WAPL: variants seen among roughly 807,000 people sequenced by gnomAD.
The protein encoded by WAPL is wings apart-like protein homolog.
In WAPL, 5 loss-of-function variants were observed where a neutral mutation model predicts 121.0. The ratio of observed to expected loss-of-function variants is 0.04; its 90% CI spans 0.02 to 0.09. WAPL has a LOEUF of 0.09. Ranked by LOEUF, WAPL falls within the 10% of genes least tolerant of loss-of-function variation. The pLI, the probability that WAPL is intolerant of heterozygous loss-of-function variation, is 1.00. For missense variants in WAPL, 999 were observed against 1,410.8 expected, an observed-to-expected ratio of 0.71 and a Z score of 4.68; for synonymous variants, 480 against 481.5, an observed-to-expected ratio of 1.00 and a Z score of 0.04.
chr10:86,497,074 C>A, intron 4 of WAPL, 127 bp downstream of exon 4: 1 of 742,796 alleles, frequency 1.3e-6, no homozygotes, highest in African/African-American at 1.8e-5. Flanking sequence ...TCTGAAAAAA[C>A]GACTTACACA....
At chr10:86,499,652 C>T (rs1263062358) in intron 3 of WAPL, 66 bp downstream of exon 3, 1 of 1,494,788 alleles carries the variant, frequency 6.7e-7, no homozygotes, top group African/African-American at 1.4e-5. Flanking sequence ...ATTGAAACCA[C>T]AGAAAGTGAA....
intron 16 of WAPL, 71 bp from the exon 17 acceptor site, chr10:86,443,434 G>T: frequency 7.3e-7 from 1 of 1,361,186 alleles, no homozygotes; most frequent in Non-Finnish European, 1.0e-6. Context: ...CAACCATTCT[G>T]TTAGTTATCT....
At chr10:86,501,607 G>A (rs185277576) in intron 2 of WAPL, among the ~76,000 whole-genome samples, 123 of 152,220 alleles carry the variant, frequency 8.1e-4, no homozygotes, top group African/African-American at 2.7e-3. Context: ...ATCTCAATTA[G>A]CATCATCAAA....
chr10:86,498,564 C>G (rs1206689422), intron 3 of WAPL, among the ~76,000 whole-genome samples: 4 of 152,122 alleles, frequency 2.6e-5, no homozygotes, highest in Non-Finnish European at 4.4e-5. Flanking sequence ...TTTCAAAATA[C>G]TACTGTAATT....
In WAPL at chr10:86,472,145, A is replaced by T. The variant is rs1457333855; in HGVS notation, c.2030+63T>A. ...AAAAATGTTTGGCTTTTTGGACAAC[A>T]CCTAGTTGAAAAAATTTAATACAGC... On this transcript the variant is annotated intron_variant, in intron 7 of 18. Transcript: ENST00000298767. This position sits in a 1 kb window ranked among gnomAD's most constrained non-coding sequence, Gnocchi z 4.2. 33 of 1,463,480 alleles carry T rather than the reference A, an allele frequency of 2.3e-5. No homozygotes were observed. The highest frequency in any genetic ancestry group is 2.1e-4 in the Middle Eastern group (1 of 4,658). The allele number at this position is 1,463,480 out of a possible 1,614,324, so 90.7% of individuals were successfully genotyped here.
At chr10:86,440,106 G>A (rs72846931) in intron 17 of WAPL, among the ~76,000 whole-genome samples, 1,594 of 152,198 alleles carry the variant, frequency 0.01, 15 homozygotes, top group Non-Finnish European at 0.016. Context: ...TTAGAGACAA[G>A]ATAGATACAG....
intron 2 of WAPL, among the ~76,000 whole-genome samples, chr10:86,517,188 G>C (rs1842570768): frequency 6.6e-6 from 1 of 152,110 alleles, no homozygotes; most frequent in Non-Finnish European, 1.5e-5. Context: ...TCTACCATTG[G>C]TAACTAATCC....
Position 86,467,376 on chromosome 10 carries a change from T to C in WAPL, c.2273A>G (p.Lys758Arg), listed in dbSNP as rs748953632. 4.3e-6 allele frequency: 7 copies of C among 1,614,138 alleles called. No individual in the cohort carries two copies. In the South Asian group the frequency reaches 7.7e-5, roughly 18 times the overall value. ...GTTCATGTCTTTTTCATTCAGTAGC[T>C]TGGCTGATGAAGCATCTTGTTCCAG... is the stretch of plus-strand genomic sequence containing the variant. The part of the protein sequence containing the change: ...LELEQDASSA[K>R]LLNEKDMNKI... Residue 758 changes from lysine (K) to arginine (R), a missense_variant, in exon 9 of 19, where the codon AAG becomes AGG. Coordinates refer to ENST00000298767, the MANE Select transcript of WAPL (RefSeq NM_015045.5).
At chr10:86,464,327 C>G (rs1456679132) in intron 9 of WAPL, among the ~76,000 whole-genome samples, 1 of 152,056 alleles carries the variant, frequency 6.6e-6, no homozygotes, top group African/African-American at 2.4e-5. Flanking sequence ...TATTTATCAT[C>G]CTAATAAATT....
chr10:86,469,270 T>TTTTA (rs1841478298), intron 8 of WAPL, among the ~76,000 whole-genome samples: 2 of 10,508 alleles, frequency 1.9e-4, no homozygotes, highest in African/African-American at 9.4e-4. Context: ...TTTTTTTTTT[T>TTTTA]GAGACGGAGT....
intron 4 of WAPL, among the ~76,000 whole-genome samples, chr10:86,487,745 A>T (rs59953272): frequency 0.085 from 12,892 of 152,116 alleles, 629 homozygotes; most frequent in Middle Eastern, 0.17. Flanking sequence ...CCAAAAAAAA[A>T]TTAGCCGGGC....
Position 86,435,844 on chromosome 10 carries a change from T to C in WAPL, c.*1699A>G, listed in dbSNP as rs1473478842. On this transcript the variant is annotated 3_prime_UTR_variant, in exon 19 of 19. Transcript: ENST00000298767. ...TTCCCTAAATCCAATGATTAATAAATATCAATGTATTTTGCATTTTAAAAT... is the reference window on the plus strand; with the variant it reads ...TTCCCTAAATCCAATGATTAATAAACATCAATGTATTTTGCATTTTAAAAT... 1 of 152,264 alleles carries C rather than the reference T, an allele frequency of 6.6e-6. No individual in the cohort carries two copies. The highest frequency in any genetic ancestry group is 1.5e-5 in the Non-Finnish European group (1 of 68,042). The allele number at this position is 152,264 out of a possible 1,614,324, so 9.4% of individuals were successfully genotyped here.
chr10:86,442,886 A>T lies in WAPL; in HGVS notation c.3411+389T>A, dbSNP rs186272012. Reference sequence around the variant, plus strand: ...ATCCCCGTCTCTACCAAAAAATACAAAAAAAAGTTAGCCGGGGGCGGTGGC... The same window carrying T: ...ATCCCCGTCTCTACCAAAAAATACATAAAAAAGTTAGCCGGGGGCGGTGGC... On this transcript the variant is annotated intron_variant, in intron 17 of 18. Transcript: ENST00000298767. Among the ~76,000 whole-genome samples, 6 of 152,088 alleles carry T rather than the reference A, an allele frequency of 3.9e-5. No individual in the cohort carries two copies. The East Asian group carries it at 1.2e-3, about 29-fold the overall frequency.
At chr10:86,510,068 C>CTTG in intron 2 of WAPL, among the ~76,000 whole-genome samples, 1 of 57,238 alleles carries the variant, frequency 1.7e-5, no homozygotes, top group East Asian at 6.9e-4. Context: ...TCCACCCGGC[C>CTTG]TTTTTTTTTT....
At position 86,436,478 on chromosome 10, in the gene WAPL, T is replaced by C. The variant is rs1274525033; in HGVS notation, c.*1065A>G. 1 of 152,586 alleles carries C rather than the reference T, an allele frequency of 6.6e-6. No homozygotes were observed. The highest frequency in any genetic ancestry group is 1.5e-5 in the Non-Finnish European group (1 of 68,022). The allele number at this position is 152,586 out of a possible 1,614,324, so 9.5% of individuals were successfully genotyped here. A position where few individuals can be genotyped will look rare whatever the true frequency, so the allele number is the denominator to read the frequency against. ...AATCTATAAAATGTTTTGTGTTCCA[T>C]AACTGTTTTTCAAATAACTGCTCTA... On this transcript the variant is annotated 3_prime_UTR_variant, in exon 19 of 19. Coordinates refer to ENST00000298767, the MANE Select transcript of WAPL (RefSeq NM_015045.5).
At position 86,460,483 on chromosome 10, in the gene WAPL, C is replaced by T; in HGVS notation, c.2496G>A (p.Val832=). The T allele has an allele frequency of 6.2e-7, 1 of 1,612,874 alleles. No homozygotes were observed. Among genetic ancestry groups the T allele is most frequent in the Non-Finnish European group, 8.5e-7 (1 of 1,179,628 alleles). The change falls in exon 11 of 19, where the codon GTG becomes GTA. Residue 832 remains valine, a synonymous_variant. Coordinates refer to ENST00000298767, the MANE Select transcript of WAPL (RefSeq NM_015045.5). ...DHIVDKVKEC[V]DHLSRDEDEE... Reference sequence around the variant, plus strand: ...CATCCTCATCTCTACTTAAATGATCCACACATTCTTTTACTAGGTGAAAAG... The same window carrying T: ...CATCCTCATCTCTACTTAAATGATCTACACATTCTTTTACTAGGTGAAAAG...
intron 4 of WAPL, among the ~76,000 whole-genome samples, chr10:86,489,150 T>G (rs1040023941): frequency 1.3e-5 from 2 of 152,128 alleles, no homozygotes; most frequent in East Asian, 3.9e-4. Context: ...GCCAAAGATG[T>G]AAAAACCATG....
At position 86,472,142 on chromosome 10, in the gene WAPL, A is replaced by G. The variant is rs1352128448; in HGVS notation, c.2030+66T>C. ...ATAAAAAATGTTTGGCTTTTTGGAC[A>G]ACACCTAGTTGAAAAAATTTAATAC... On this transcript the variant is annotated intron_variant, in intron 7 of 18. Transcript: ENST00000298767. The surrounding 1 kb of genome is among the most constrained non-coding windows in gnomAD (Gnocchi z 4.2). 6.9e-7 allele frequency: 1 copy of G among 1,452,922 alleles called. No individual in the cohort carries two copies. The highest frequency in any genetic ancestry group is 9.1e-7 in the Non-Finnish European group (1 of 1,098,878). The allele number at this position is 1,452,922 out of a possible 1,614,324, so 90.0% of individuals were successfully genotyped here.
At chr10:86,518,114 A>C (rs767716975) in intron 1 of WAPL, 23 bp from the exon 2 acceptor site, 249 of 1,586,268 alleles carry the variant, frequency 1.6e-4, no homozygotes, top group Non-Finnish European at 2.0e-4. Flanking sequence ...ATTTAAGAAA[A>C]CATATAATCA....
Sources: allele counts gnomAD v4.1 joint callset (sites outside exome capture counted in the v4.1 genomes callset), GRCh38; gene constraint gnomAD v4.1.1; non-coding constraint Gnocchi (gnomAD v3.1); transcripts MANE v1.5; gene names NCBI Gene and HGNC (gene_info 2026-07-23, HGNC 2026-07-21).